Variants in SPATA6 observed in about 807,000 individuals in gnomAD.
SPATA6 encodes the protein spermatogenesis associated 6.
Under a neutral mutation model 65.3 loss-of-function variants are expected in SPATA6, and 56 were observed. The ratio of observed to expected loss-of-function variants is 0.86; its 90% CI spans 0.69 to 1.07. The LOEUF (loss-of-function observed/expected upper bound fraction) is 1.07, where lower values mean the gene tolerates loss of function less well. Among genes scored for constraint, SPATA6 ranks in the 50% least tolerant of loss-of-function variants. SPATA6 has a pLI of 0.00. For synonymous variants in SPATA6, 199 were observed against 213.2 expected (o/e 0.93, Z 0.58); for missense variants, 590 against 594.8 (o/e 0.99, Z 0.08).
intron 5 of SPATA6, among the ~76,000 whole-genome samples, chr1:48,406,776 T>C (rs1651749673): frequency 6.6e-6 from 1 of 152,240 alleles, no homozygotes. Flanking sequence ...TTTACAAGTT[T>C]ACATTAATCT....
At chr1:48,406,351 T>C (rs900765139) in intron 5 of SPATA6, among the ~76,000 whole-genome samples, 4 of 152,046 alleles carry the variant, frequency 2.6e-5, no homozygotes, top group African/African-American at 9.7e-5. Context: ...TTATCTCCTT[T>C]ATTTAAAGTC....
chr1:48,334,994 C>G (rs1462761398), intron 11 of SPATA6, among the ~76,000 whole-genome samples: 1 of 151,850 alleles, frequency 6.6e-6, no homozygotes, highest in African/African-American at 2.4e-5. Context: ...CTAACAGCAC[C>G]CAAGCTAAGA....
At chr1:48,267,227 G>A in the SPATA6 span, among the ~76,000 whole-genome samples, 27 of 152,232 alleles carry the variant, frequency 1.8e-4, 1 homozygote, top group East Asian at 3.3e-3. Flanking sequence ...GTCGTGAGGC[G>A]GGCACCGACC....
chr1:48,412,915 G>A (rs770723633), intron 4 of SPATA6, among the ~76,000 whole-genome samples, 195 bp downstream of exon 4: 8 of 151,696 alleles, frequency 5.3e-5, no homozygotes, highest in South Asian at 2.1e-4. Flanking sequence ...CACTATGCCC[G>A]GCCTGAAAAG....
intron 9 of SPATA6, among the ~76,000 whole-genome samples, chr1:48,363,863 C>G (rs2148828343): frequency 6.6e-6 from 1 of 151,668 alleles, no homozygotes; most frequent in East Asian, 1.9e-4. Flanking sequence ...AGGTTTGTTA[C>G]ATATGTATAC....
chr1:48,277,046 C>T, the SPATA6 span, among the ~76,000 whole-genome samples: 2 of 145,260 alleles, frequency 1.4e-5, no homozygotes, highest in African/African-American at 2.5e-5. Context: ...ATAGTTAACT[C>T]TTCTTGTTGC....
chr1:48,408,682 G>A (rs969827517), intron 5 of SPATA6, among the ~76,000 whole-genome samples: 1 of 152,162 alleles, frequency 6.6e-6, no homozygotes, highest in Non-Finnish European at 1.5e-5. Context: ...AAAAGAAAGA[G>A]GTTTACTGGA....
At chr1:48,414,055 A>C (rs1652528167) in intron 3 of SPATA6, among the ~76,000 whole-genome samples, 1 of 152,190 alleles carries the variant, frequency 6.6e-6, no homozygotes, top group Non-Finnish European at 1.5e-5. Flanking sequence ...TTGTAATGTC[A>C]TGAGTTTTCT....
At chr1:48,384,040 G>A (rs960816569) in intron 9 of SPATA6, among the ~76,000 whole-genome samples, 4 of 151,342 alleles carry the variant, frequency 2.6e-5, no homozygotes, top group Non-Finnish European at 4.4e-5. Context: ...CTCCAGCCTG[G>A]GCACCATTGA....
Position 48,385,365 on chromosome 1 carries a change from C to G in SPATA6, c.869-16G>C, listed in dbSNP as rs1454312082. The G allele has an allele frequency of 1.2e-6, 2 of 1,604,986 alleles. No individual in the cohort carries two copies. The highest frequency in any genetic ancestry group is 1.7e-6 in the Non-Finnish European group (2 of 1,176,628). Reference sequence around the variant, plus strand: ...TGAGAATGATCTGAAAAAGGAAGTACAAAACAATTAAAGTTTAAATTTGGT... The same window carrying G: ...TGAGAATGATCTGAAAAAGGAAGTAGAAAACAATTAAAGTTTAAATTTGGT... On this transcript the variant is annotated splice_polypyrimidine_tract_variant and intron_variant, in intron 8 of 12. Coordinates refer to ENST00000371847, the MANE Select transcript of SPATA6 (RefSeq NM_019073.4).
At chr1:48,355,540 T>C (rs1214951492) in intron 11 of SPATA6, 130 bp downstream of exon 11, 1 of 623,166 alleles carries the variant, frequency 1.6e-6, no homozygotes. Flanking sequence ...AACCACTGAC[T>C]TCCATCAAAT....
chr1:48,286,876 A>G, the SPATA6 span, among the ~76,000 whole-genome samples: 1 of 151,938 alleles, frequency 6.6e-6, no homozygotes, highest in Non-Finnish European at 1.5e-5. Context: ...GTCTCTACTA[A>G]AAGTACAAAA....
chr1:48,297,964 A>G lies in SPATA6; in HGVS notation c.*749T>C, dbSNP rs1441873425. On this transcript the variant is annotated 3_prime_UTR_variant, in exon 13 of 13. Transcript: ENST00000371847. ...TAGGTTTCTATAAGCTTACTAACAG[A>G]GGCCATTTTCTGATTCTGGTTGCAC... 6.6e-6 allele frequency: 1 copy of G among 152,186 alleles called. No individual in the cohort carries two copies. The highest frequency in any genetic ancestry group is 1.5e-5 in the Non-Finnish European group (1 of 68,034). 9.4% of individuals were successfully genotyped at this position (152,186 alleles called of 1,614,324 possible). A position where few individuals can be genotyped will look rare whatever the true frequency, so the allele number is the denominator to read the frequency against.
chr1:48,283,166 C>G, the SPATA6 span, among the ~76,000 whole-genome samples: 1 of 112,150 alleles, frequency 8.9e-6, no homozygotes, highest in Admixed American at 1.3e-4. Flanking sequence ...GGGAACATCA[C>G]ACTCTAGGGA....
intron 11 of SPATA6, among the ~76,000 whole-genome samples, chr1:48,342,986 A>G (rs1157698732): frequency 2.0e-5 from 3 of 152,182 alleles, no homozygotes; most frequent in Non-Finnish European, 4.4e-5. Context: ...TAGTAATAAG[A>G]TAAAGTTGGT....
chr1:48,388,169 C>T (rs1174427189), intron 8 of SPATA6, among the ~76,000 whole-genome samples: 1 of 152,048 alleles, frequency 6.6e-6, no homozygotes, highest in African/African-American at 2.4e-5. Flanking sequence ...AAAACTAGAA[C>T]ACAGCCTCCA....
At chr1:48,359,560 C>A in intron 10 of SPATA6, 26 bp downstream of exon 10, 1 of 1,607,406 alleles carries the variant, frequency 6.2e-7, no homozygotes, top group Non-Finnish European at 8.5e-7. Context: ...AAGATCAGTA[C>A]AGAAATGAAG....
intron 3 of SPATA6, among the ~76,000 whole-genome samples, chr1:48,432,642 G>A (rs1654515426): frequency 6.6e-6 from 1 of 152,212 alleles, no homozygotes; most frequent in African/African-American, 2.4e-5. Flanking sequence ...AAGTGTTGGT[G>A]AGGATGTGAA....
At chr1:48,379,303 C>T (rs1223123082) in intron 9 of SPATA6, among the ~76,000 whole-genome samples, 1 of 152,066 alleles carries the variant, frequency 6.6e-6, no homozygotes, top group Non-Finnish European at 1.5e-5. Context: ...ATCCAGTCAC[C>T]TCTCTCTCTC....
Sources: allele counts gnomAD v4.1 joint callset (sites outside exome capture counted in the v4.1 genomes callset), GRCh38; gene constraint gnomAD v4.1.1; transcripts MANE v1.5; gene names NCBI Gene and HGNC (gene_info 2026-07-23, HGNC 2026-07-21).